The following CACNA2D3 variants were observed in gnomAD, a reference collection of about 807,000 sequenced individuals.
CACNA2D3 encodes the protein calcium voltage-gated channel auxiliary subunit alpha2delta 3.
A neutral mutation model predicts 160.6 loss-of-function variants in CACNA2D3; 60 were observed. The ratio of observed to expected loss-of-function variants is 0.37; its 90% CI spans 0.30 to 0.46. CACNA2D3 has a LOEUF of 0.46. Among genes scored for constraint, CACNA2D3 ranks in the 20% least tolerant of loss-of-function variants. CACNA2D3 has a pLI of 1.00. For synonymous variants in CACNA2D3, 558 were observed against 492.9 expected (o/e 1.13, Z -1.75); for missense variants, 1,205 against 1,365.0 (o/e 0.88, Z 1.85).
intron 5 of CACNA2D3, among the ~76,000 whole-genome samples, chr3:54,533,847 T>C (rs1015025588): frequency 6.6e-6 from 1 of 151,988 alleles, no homozygotes. Flanking sequence ...TGTGTAAATG[T>C]TGAAGCAAGT....
intron 12 of CACNA2D3, among the ~76,000 whole-genome samples, chr3:54,756,633 G>A (rs552964546): frequency 2.0e-5 from 3 of 152,182 alleles, no homozygotes; most frequent in East Asian, 1.9e-4. Flanking sequence ...CAGAACTAAC[G>A]CACTGGGCCT....
intron 11 of CACNA2D3, among the ~76,000 whole-genome samples, chr3:54,681,715 G>A (rs1700355375): frequency 6.6e-6 from 1 of 152,202 alleles, no homozygotes; most frequent in Admixed American, 6.5e-5. Flanking sequence ...ACAGAGTCTC[G>A]CTTTGTCACC....
rs1242948026 is a variant in CACNA2D3 at position 54,627,887 on chromosome 3, C to G, written c.1053+11C>G. ...AACATTCTGAGTGATGTAAGTTCCT[C>G]TTTGATTTGCCTTTCTCATCCCTTG... On this transcript the variant is annotated intron_variant, in intron 10 of 37. Coordinates refer to ENST00000474759, the MANE Select transcript of CACNA2D3 (RefSeq NM_018398.3). 3.2e-6 allele frequency: 5 copies of G among 1,544,102 alleles called. No homozygotes were observed. Among genetic ancestry groups the G allele is most frequent in the Non-Finnish European group, 4.4e-6 (5 of 1,124,276 alleles).
intron 2 of CACNA2D3, among the ~76,000 whole-genome samples, chr3:54,187,003 C>T (rs868331715): frequency 6.6e-6 from 1 of 152,202 alleles, no homozygotes; most frequent in Non-Finnish European, 1.5e-5. Context: ...CTACAAGAGA[C>T]ACTGTGACCA....
chr3:54,472,299 C>A (rs572706961), intron 4 of CACNA2D3, among the ~76,000 whole-genome samples: 4 of 152,300 alleles, frequency 2.6e-5, no homozygotes. Flanking sequence ...ACAAAAACCA[C>A]ATGATTATCT....
chr3:54,750,666 T>G (rs1701838676), intron 11 of CACNA2D3, among the ~76,000 whole-genome samples: 1 of 152,036 alleles, frequency 6.6e-6, no homozygotes, highest in Non-Finnish European at 1.5e-5. Context: ...CAATCAGAGA[T>G]TCTCAGTTAA....
At chr3:54,379,744 C>G (rs1363356941) in intron 3 of CACNA2D3, among the ~76,000 whole-genome samples, 1 of 152,228 alleles carries the variant, frequency 6.6e-6, no homozygotes, top group African/African-American at 2.4e-5. Context: ...CAGCACTTCT[C>G]TTTCTCCTGC....
At chr3:54,977,664 A>G (rs773876988) in intron 29 of CACNA2D3, among the ~76,000 whole-genome samples, 3 of 152,170 alleles carry the variant, frequency 2.0e-5, no homozygotes, top group South Asian at 2.1e-4. Flanking sequence ...TGTACTCAAC[A>G]TGTATTTACT....
chr3:54,389,575 A>G (rs1380654210), intron 4 of CACNA2D3, among the ~76,000 whole-genome samples: 1 of 152,216 alleles, frequency 6.6e-6, no homozygotes, highest in Non-Finnish European at 1.5e-5. Flanking sequence ...AATGTCACCA[A>G]TAATGAGACA....
chr3:54,481,047 C>T (rs544800842), intron 4 of CACNA2D3, among the ~76,000 whole-genome samples: 1 of 152,262 alleles, frequency 6.6e-6, no homozygotes, highest in African/African-American at 2.4e-5. Context: ...GGAGAACCAG[C>T]AAGGTTTGGA....
intron 4 of CACNA2D3, among the ~76,000 whole-genome samples, chr3:54,403,204 AAGT>A (rs1250628041): frequency 6.6e-6 from 1 of 152,046 alleles, no homozygotes; most frequent in Admixed American, 6.5e-5. Context: ...AAATAAAAAA[AAGT>A]AGCCGGTCTT....
At chr3:54,855,936 C>T (rs1161597822) in intron 17 of CACNA2D3, among the ~76,000 whole-genome samples, 1 of 152,190 alleles carries the variant, frequency 6.6e-6, no homozygotes, top group African/African-American at 2.4e-5. Context: ...CTTTGTAAAA[C>T]TTTAGTCCTC....
chr3:54,694,876 T>C (rs753893134), intron 11 of CACNA2D3, among the ~76,000 whole-genome samples: 4 of 152,240 alleles, frequency 2.6e-5, no homozygotes, highest in Admixed American at 6.5e-5. Context: ...ATGCATCTCA[T>C]AGGGAATGCA....
intron 3 of CACNA2D3, among the ~76,000 whole-genome samples, chr3:54,346,818 A>G (rs1698466992): frequency 6.6e-6 from 1 of 152,166 alleles, no homozygotes. Flanking sequence ...ACTGCCCTAA[A>G]AATCTGCTGT....
At chr3:54,563,121 C>T (rs1702353678) in intron 6 of CACNA2D3, among the ~76,000 whole-genome samples, 190 bp downstream of exon 6, 1 of 152,140 alleles carries the variant, frequency 6.6e-6, no homozygotes, top group Non-Finnish European at 1.5e-5. Flanking sequence ...CGCACACACA[C>T]AGGACATGAT....
chr3:54,972,581 C>T (rs1702299281), intron 29 of CACNA2D3, among the ~76,000 whole-genome samples: 1 of 152,156 alleles, frequency 6.6e-6, no homozygotes, highest in Non-Finnish European at 1.5e-5. Context: ...GCACTTATGA[C>T]CTGGCCCAAC....
chr3:54,687,889 G>A (rs1700499413), intron 11 of CACNA2D3, among the ~76,000 whole-genome samples: 1 of 152,142 alleles, frequency 6.6e-6, no homozygotes, highest in Non-Finnish European at 1.5e-5. Context: ...TGATTCTTCT[G>A]CATACAGACT....
intron 4 of CACNA2D3, among the ~76,000 whole-genome samples, chr3:54,434,540 A>G (rs1700034315): frequency 2.0e-5 from 3 of 152,198 alleles, no homozygotes; most frequent in Non-Finnish European, 4.4e-5. Context: ...AACCTCCCCA[A>G]GGACGATATT....
chr3:54,784,694 G>T (rs574783160), intron 13 of CACNA2D3, among the ~76,000 whole-genome samples: 1 of 152,150 alleles, frequency 6.6e-6, no homozygotes, highest in African/African-American at 2.4e-5. Flanking sequence ...GAAATGTTCC[G>T]TAGAAGAAGA....
Sources: gnomAD v4.1 joint callset for allele counts (sites outside exome capture counted in the v4.1 genomes callset) on GRCh38, gnomAD v4.1.1 for gene constraint, MANE v1.5 for transcripts, NCBI Gene and HGNC (gene_info 2026-07-23, HGNC 2026-07-21) for gene names.